The following MIER3 variants were observed in gnomAD, a reference collection of about 807,000 sequenced individuals.
The protein encoded by MIER3 is MIER family member 3, also known as mesoderm induction early response protein 3.
Under a neutral mutation model 63.2 loss-of-function variants are expected in MIER3, and 9 were observed. The ratio of observed to expected loss-of-function variants is 0.14; its 90% CI spans 0.09 to 0.25. MIER3 has a LOEUF of 0.25. Ranked by LOEUF, MIER3 falls within the 10% of genes least tolerant of loss-of-function variation. The probability of loss-of-function intolerance (pLI) is 1.00; values close to 1 mark genes in which losing one functional copy is unlikely to be tolerated. For missense variants in MIER3, 512 were observed against 666.2 expected (o/e 0.77, Z 2.55); for synonymous variants, 205 against 224.9 (o/e 0.91, Z 0.79).
In MIER3 at chr5:56,950,543, T is replaced by A. The variant is rs1164939436; in HGVS notation, c.34+85A>T. The A allele has an allele frequency of 1.5e-5, 21 of 1,404,980 alleles. 1 individual carries two copies. The highest frequency in any genetic ancestry group is 2.1e-5 in the Non-Finnish European group (21 of 1,003,406). 87.0% of individuals were successfully genotyped at this position (1,404,980 alleles called of 1,614,324 possible). ...ATGAAGAAAAACCTGCAGGATACAT[T>A]TCTATTGGGAATCCTTTAGCAACAG... On this transcript the variant is annotated intron_variant, in intron 2 of 12. Transcript: ENST00000381199.
intron 8 of MIER3, among the ~76,000 whole-genome samples, chr5:56,932,211 C>T (rs938944668): frequency 6.6e-6 from 1 of 151,982 alleles, no homozygotes; most frequent in Admixed American, 6.6e-5. Context: ...AGTGAGCTGA[C>T]ATTGCGCCAC....
At chr5:56,948,425 AGGCCGAAGT>A (rs1465810374) in intron 2 of MIER3, among the ~76,000 whole-genome samples, 1 of 152,172 alleles carries the variant, frequency 6.6e-6, no homozygotes, top group Non-Finnish European at 1.5e-5. Context: ...GCACTTTGGG[AGGCCGAAGT>A]GGGGGGATCA....
chr5:56,951,196 C>T (rs78904776), intron 1 of MIER3, among the ~76,000 whole-genome samples: 1 of 152,146 alleles, frequency 6.6e-6, no homozygotes, highest in Non-Finnish European at 1.5e-5. Flanking sequence ...GCGAGCCCCC[C>T]ATCCTCTCTC....
At chr5:56,944,660 A>G (rs1187706969) in intron 3 of MIER3, among the ~76,000 whole-genome samples, 1 of 152,194 alleles carries the variant, frequency 6.6e-6, no homozygotes, top group Non-Finnish European at 1.5e-5. Flanking sequence ...CACAGGCTGC[A>G]AAACTATATA....
intron 3 of MIER3, among the ~76,000 whole-genome samples, chr5:56,940,001 T>C (rs1035942757): frequency 6.6e-6 from 1 of 152,156 alleles, no homozygotes; most frequent in African/African-American, 2.4e-5. Context: ...CAGTGACACA[T>C]GACTATGTTT....
At chr5:56,951,826 C>T (rs1751045807) in intron 1 of MIER3, among the ~76,000 whole-genome samples, 1 of 151,440 alleles carries the variant, frequency 6.6e-6, no homozygotes, top group Admixed American at 6.6e-5. Context: ...TGCAGCCGGC[C>T]GCCACCTCCG....
At position 56,922,318 on chromosome 5, in the gene MIER3, A is replaced by G. The variant is rs905323382; in HGVS notation, c.*810T>C. Reference sequence around the variant, plus strand: ...TCTTGACAATGGTGGACAAAACCCCATCTGAGTACCACATCTTCAAATGCC... The same window carrying G: ...TCTTGACAATGGTGGACAAAACCCCGTCTGAGTACCACATCTTCAAATGCC... On this transcript the variant is annotated 3_prime_UTR_variant, in exon 13 of 13. Transcript: ENST00000381199. 2 of 152,468 alleles carry G rather than the reference A, an allele frequency of 1.3e-5. No homozygotes were observed. Among genetic ancestry groups the G allele is most frequent in the African/African-American group, 4.8e-5 (2 of 41,456 alleles). 9.4% of individuals were successfully genotyped at this position (152,468 alleles called of 1,614,324 possible).
At chr5:56,944,697 A>G (rs1750768045) in intron 3 of MIER3, among the ~76,000 whole-genome samples, 1 of 152,046 alleles carries the variant, frequency 6.6e-6, no homozygotes, top group Non-Finnish European at 1.5e-5. Flanking sequence ...ATGTCTGGTG[A>G]TCTTTTTTTT....
rs1579861586 is a variant in MIER3 at position 56,944,197 on chromosome 5, C to T, written c.180+2729G>A. 1.3e-5 allele frequency among the ~76,000 whole-genome samples: 2 copies of T among 152,180 alleles called. 1 individual carries two copies. Among genetic ancestry groups the T allele is most frequent in the South Asian group, 4.2e-4 (2 of 4,814 alleles). On this transcript the variant is annotated intron_variant, in intron 3 of 12. Transcript: ENST00000381199. ...GTTTAGAAGTCAACAGTAGGCTGGG[C>T]GCGGTGGCTCACGCCTGTAATCCCA...
chr5:56,947,709 C>T (rs1211866380), intron 2 of MIER3, among the ~76,000 whole-genome samples: 1 of 152,186 alleles, frequency 6.6e-6, no homozygotes, highest in Non-Finnish European at 1.5e-5. Flanking sequence ...TAAGACTTTG[C>T]TTTACTTTGG....
rs1307396218 is a variant in MIER3, at chr5:56,935,755, A to G, written c.437-4T>C. On this transcript the variant is annotated splice_region_variant and splice_polypyrimidine_tract_variant and intron_variant, in intron 5 of 12. Transcript: ENST00000381199. ...TCACCATCACATGCAGTATTTGCTT[A>G]AAAGACAAAAATTAAAAAGGTTTTT... 1 of 1,609,554 alleles carries G rather than the reference A, an allele frequency of 6.2e-7. No individual in the cohort carries two copies.
intron 10 of MIER3, among the ~76,000 whole-genome samples, chr5:56,927,170 T>C (rs1220307639): frequency 1.3e-5 from 2 of 152,106 alleles, no homozygotes; most frequent in Non-Finnish European, 2.9e-5. Flanking sequence ...TACTGGTGGA[T>C]ATGTATCATT....
At chr5:56,933,425 T>C in intron 7 of MIER3, 27 bp from the exon 8 acceptor site, 2 of 1,565,098 alleles carry the variant, frequency 1.3e-6, no homozygotes, top group Non-Finnish European at 1.7e-6. Flanking sequence ...CATTAACACA[T>C]TAAAAATCAT....
Position 56,923,454 on chromosome 5 carries a change from T to A in MIER3, c.1327A>T (p.Thr443Ser). 4 of 1,614,158 alleles carry A rather than the reference T, an allele frequency of 2.5e-6. No individual in the cohort carries two copies. The highest frequency in any genetic ancestry group is 3.4e-6 in the Non-Finnish European group (4 of 1,180,034). Residue 443 changes from threonine (T) to serine (S), a missense_variant, in exon 13 of 13, where the codon ACC becomes TCC. Around this residue, in one of 5 missense-constraint regions of MIER3, gnomAD observed 218 missense variants for 251.2 expected, o/e 0.87. Coordinates refer to ENST00000381199, the MANE Select transcript of MIER3 (RefSeq NM_001297599.2). ...TCACTTTCCCCATTGCTGGGCAGGG[T>A]GAGTAACTCTTCTGTTACAACAGGC... ...HVPVVTEELLTLPSNGESDCF... is the reference protein window; with the variant it reads ...HVPVVTEELLSLPSNGESDCF...
chr5:56,937,562 C>T lies in MIER3; in HGVS notation c.436+16G>A. The T allele has an allele frequency of 6.3e-7, 1 of 1,590,288 alleles. No homozygotes were observed. Among genetic ancestry groups the T allele is most frequent in the Non-Finnish European group, 8.6e-7 (1 of 1,167,210 alleles). On this transcript the variant is annotated intron_variant, in intron 5 of 12. Coordinates refer to ENST00000381199, the MANE Select transcript of MIER3 (RefSeq NM_001297599.2). ...ATCAATGTTACTATTTATCAGTAAT[C>T]CACTGGGTTTCTTACATCGTAAAGG...
intron 8 of MIER3, among the ~76,000 whole-genome samples, chr5:56,931,753 A>G (rs907337955): frequency 6.6e-6 from 1 of 152,174 alleles, no homozygotes; most frequent in Non-Finnish European, 1.5e-5. Context: ...ATGCATTAAG[A>G]CATAAAGCAG....
rs1040299829 is a variant in MIER3, at chr5:56,950,620, G to A, written c.34+8C>T. 7 of 1,613,730 alleles carry A rather than the reference G, an allele frequency of 4.3e-6. No homozygotes were observed. The African/African-American group carries it at 8.0e-5, about 18-fold the overall frequency. On this transcript the variant is annotated splice_region_variant and intron_variant, in intron 2 of 12. Transcript: ENST00000381199. The stretch of plus-strand genomic sequence containing the variant: ...GAACCACCGAAGACGTAAGAAAATA[G>A]GACAAACCTGGGCTCGAACTTCCAA...
intron 3 of MIER3, 61 bp downstream of exon 3, chr5:56,946,865 T>A: frequency 7.1e-6 from 9 of 1,260,944 alleles, no homozygotes; most frequent in Admixed American, 3.5e-5. Flanking sequence ...AGATTATTTT[T>A]AAAATTACAA....
intron 3 of MIER3, 44 bp downstream of exon 3, chr5:56,946,882 T>A: frequency 7.5e-7 from 1 of 1,341,004 alleles, no homozygotes; most frequent in Non-Finnish European, 9.9e-7. Flanking sequence ...ACAACAGAAT[T>A]TCAAAATCTT....
Sources: gnomAD v4.1 joint callset for allele counts (sites outside exome capture counted in the v4.1 genomes callset) on GRCh38, gnomAD v4.1.1 for gene constraint, gnomAD v4.1.1 regional missense constraint, MANE v1.5 for transcripts, NCBI Gene and HGNC (gene_info 2026-07-23, HGNC 2026-07-21) for gene names.